The following SLMAP variants were observed in gnomAD, a reference collection of about 807,000 sequenced individuals.
SLMAP encodes the protein sarcolemma associated protein.
A neutral mutation model predicts 128.8 loss-of-function variants in SLMAP; 44 were observed. The observed-to-expected ratio is 0.34, with a 90% CI of 0.27 to 0.44. The LOEUF is 0.44. Ranked by LOEUF, SLMAP falls within the 20% of genes least tolerant of loss-of-function variation. The probability of loss-of-function intolerance (pLI) is 1.00; values close to 1 mark genes in which losing one functional copy is unlikely to be tolerated. For missense variants in SLMAP, 787 were observed against 985.3 expected, an observed-to-expected ratio of 0.80 and a Z score of 2.69; for synonymous variants, 327 against 348.8, an observed-to-expected ratio of 0.94 and a Z score of 0.70.
At chr3:57,886,973 G>A (rs1427872596) in intron 14 of SLMAP, among the ~76,000 whole-genome samples, 4 of 151,978 alleles carry the variant, frequency 2.6e-5, no homozygotes, top group Non-Finnish European at 5.9e-5. Flanking sequence ...TTTTTGTTGG[G>A]TAATGAAAAT....
intron 2 of SLMAP, among the ~76,000 whole-genome samples, chr3:57,760,129 T>G (rs962088665): frequency 4.6e-5 from 7 of 152,122 alleles, no homozygotes; most frequent in African/African-American, 1.7e-4. Context: ...TCGTAGATAC[T>G]GGGTTTCACC....
chr3:57,906,675 ATATATAT>A (rs777907272), intron 17 of SLMAP, among the ~76,000 whole-genome samples: 2,512 of 122,586 alleles, frequency 0.02, 66 homozygotes, highest in African/African-American at 0.072. Flanking sequence ...TGAAAAAAAA[ATATATAT>A]ATATATATAT....
intron 3 of SLMAP, 32 bp downstream of exon 3, chr3:57,831,562 G>A (rs1483239577): frequency 1.4e-6 from 2 of 1,389,886 alleles, no homozygotes; most frequent in South Asian, 1.7e-5. Context: ...TTTATTACTT[G>A]TCTTTTAAAG....
chr3:57,856,381 A>T (rs1160791280), intron 6 of SLMAP, among the ~76,000 whole-genome samples: 1 of 152,180 alleles, frequency 6.6e-6, no homozygotes, highest in Non-Finnish European at 1.5e-5. Flanking sequence ...GTTCAAAAAT[A>T]TTGTTTCTAT....
intron 2 of SLMAP, among the ~76,000 whole-genome samples, chr3:57,788,969 A>T (rs2153472730): frequency 6.6e-6 from 1 of 152,286 alleles, no homozygotes; most frequent in Admixed American, 6.5e-5. Flanking sequence ...TACTTCAGTG[A>T]TGATCATTTG....
At chr3:57,895,480 G>A (rs895344020) in intron 15 of SLMAP, among the ~76,000 whole-genome samples, 1 of 151,912 alleles carries the variant, frequency 6.6e-6, no homozygotes, top group African/African-American at 2.4e-5. Context: ...GATTACAGGT[G>A]CCCAGCACCA....
At chr3:57,885,771 C>CTTGTTTTTTTTTTT (rs2095866730) in intron 14 of SLMAP, among the ~76,000 whole-genome samples, 1 of 53,574 alleles carries the variant, frequency 1.9e-5, no homozygotes, top group Non-Finnish European at 3.3e-5. Flanking sequence ...GTTTTTGGTT[C>CTTGTTTTTTTTTTT]TTTTTTTTTT....
chr3:57,854,033 ATGTG>A (rs199933651), intron 6 of SLMAP, among the ~76,000 whole-genome samples: 1 of 101,092 alleles, frequency 9.9e-6, no homozygotes, highest in African/African-American at 3.8e-5. Flanking sequence ...ATAATATATA[ATGTG>A]TATATATATA....
rs1282836210 is a variant in SLMAP, at chr3:57,896,505, T to C, written c.1361-6T>C. 1 of 1,592,032 alleles carries C rather than the reference T, an allele frequency of 6.3e-7. No homozygotes were observed. Among genetic ancestry groups the C allele is most frequent in the Admixed American group, 1.9e-5 (1 of 53,800 alleles). ...TAAGATTTTACTTTTATTTTTTTCT[T>C]GGTAGAAAATCAGACAAGAGCAAAA... is the stretch of plus-strand genomic sequence containing the variant. On this transcript the variant is annotated splice_polypyrimidine_tract_variant and splice_region_variant and intron_variant, in intron 15 of 24. Transcript: ENST00000671191.
intron 2 of SLMAP, among the ~76,000 whole-genome samples, chr3:57,816,628 CAG>C (rs201020158): frequency 0.015 from 2,264 of 152,116 alleles, 20 homozygotes; most frequent in Non-Finnish European, 0.021. Context: ...AATTTACTGA[CAG>C]GGAATGAAAC....
intron 2 of SLMAP, among the ~76,000 whole-genome samples, chr3:57,781,729 A>ATTT (rs748021832): frequency 0.12 from 13,594 of 108,958 alleles, 1,405 homozygotes; most frequent in Non-Finnish European, 0.16. Context: ...ATATTGACTG[A>ATTT]TTTTTTTTTT....
At chr3:57,759,779 C>T (rs1315153898) in intron 2 of SLMAP, among the ~76,000 whole-genome samples, 1 of 152,206 alleles carries the variant, frequency 6.6e-6, no homozygotes, top group East Asian at 1.9e-4. Flanking sequence ...TTTGATGAAA[C>T]ACTCGAAGGG....
chr3:57,847,407 A>T (rs1028835153), intron 5 of SLMAP, among the ~76,000 whole-genome samples, 174 bp downstream of exon 5: 3 of 152,220 alleles, frequency 2.0e-5, no homozygotes. Context: ...GGAGAATCTA[A>T]GATGGATGTT....
chr3:57,829,945 G>A (rs535481612), intron 2 of SLMAP, among the ~76,000 whole-genome samples: 1 of 152,276 alleles, frequency 6.6e-6, no homozygotes, highest in South Asian at 2.1e-4. Context: ...TTGCTTCTGT[G>A]TTCCCCAGTT....
At chr3:57,865,605 TTCA>T (rs2095277996) in intron 13 of SLMAP, among the ~76,000 whole-genome samples, 1 of 152,198 alleles carries the variant, frequency 6.6e-6, no homozygotes, top group South Asian at 2.1e-4. Flanking sequence ...ACCATTTTGT[TTCA>T]TCAAGTTCTG....
chr3:57,851,707 A>G (rs1201502949), intron 6 of SLMAP, among the ~76,000 whole-genome samples: 4 of 151,240 alleles, frequency 2.6e-5, no homozygotes, highest in African/African-American at 9.7e-5. Context: ...CTGGCCTTAA[A>G]CTCCTGACCT....
At chr3:57,847,082 T>C in intron 4 of SLMAP, 115 bp from the exon 5 acceptor site, 1 of 674,960 alleles carries the variant, frequency 1.5e-6, no homozygotes, top group Non-Finnish European at 2.6e-6. Flanking sequence ...CACCTTTTTT[T>C]AATTACATGA....
intron 2 of SLMAP, among the ~76,000 whole-genome samples, chr3:57,829,483 A>C (rs2093182935): frequency 6.6e-6 from 1 of 152,096 alleles, no homozygotes; most frequent in South Asian, 2.1e-4. Context: ...TAAAAAAAAA[A>C]CTCTCTTATA....
At chr3:57,908,081 G>GACA in intron 18 of SLMAP, 75 bp downstream of exon 18, 1 of 1,383,376 alleles carries the variant, frequency 7.2e-7, no homozygotes, top group South Asian at 1.3e-5. Flanking sequence ...CCCAAACTTG[G>GACA]AGTCCGGAGG....
Sources: gnomAD v4.1 joint callset for allele counts (sites outside exome capture counted in the v4.1 genomes callset) on GRCh38, gnomAD v4.1.1 for gene constraint, MANE v1.5 for transcripts, NCBI Gene and HGNC (gene_info 2026-07-23, HGNC 2026-07-21) for gene names.